Variants in PDE1A observed in about 807,000 individuals in gnomAD.
PDE1A encodes dual specificity calcium/calmodulin-dependent 3',5'-cyclic nucleotide phosphodiesterase 1A.
A neutral mutation model predicts 61.7 loss-of-function variants in PDE1A; 35 were observed. The observed-to-expected ratio is 0.57, with a 90% CI of 0.43 to 0.75. PDE1A has a LOEUF of 0.75. Among genes scored for constraint, PDE1A ranks in the 30% least tolerant of loss-of-function variants. The pLI is 0.00. For missense variants in PDE1A, 597 were observed against 630.6 expected (o/e 0.95, Z 0.57); for synonymous variants, 232 against 213.2 (o/e 1.09, Z -0.77).
rs1023483299 is a variant in PDE1A at position 182,449,502 on chromosome 2, A to G, written c.101+72774T>C. On this transcript the variant is annotated intron_variant, in intron 2 of 14. Transcript: ENST00000410103. Reference sequence around the variant, plus strand: ...TCATTACCTCTTCCTATACTCCTTCACCAAAGGAGGGTGTTTGTAGTTCAA... The same window carrying G: ...TCATTACCTCTTCCTATACTCCTTCGCCAAAGGAGGGTGTTTGTAGTTCAA... 2.6e-5 allele frequency among the ~76,000 whole-genome samples: 4 copies of G among 152,048 alleles called. No homozygotes were observed. In the South Asian group the frequency reaches 8.3e-4, roughly 31 times the overall value.
intron 1 of PDE1A, among the ~76,000 whole-genome samples, chr2:182,389,838 G>C (rs1481454701): frequency 1.3e-5 from 2 of 152,178 alleles, no homozygotes; most frequent in African/African-American, 2.4e-5. Flanking sequence ...AAGGTGGAAA[G>C]AGCAGACTTG....
At chr2:182,173,264 C>T (rs1692412787) in intron 13 of PDE1A, among the ~76,000 whole-genome samples, 1 of 152,042 alleles carries the variant, frequency 6.6e-6, no homozygotes, top group Non-Finnish European at 1.5e-5. Flanking sequence ...CCAGATGATG[C>T]TGATAGGCTG....
At chr2:182,575,447 A>G in the PDE1A span, among the ~76,000 whole-genome samples, 4 of 151,792 alleles carry the variant, frequency 2.6e-5, no homozygotes, top group African/African-American at 7.3e-5. Flanking sequence ...GTTTAATGGA[A>G]TAATTGTTGT....
intron 2 of PDE1A, among the ~76,000 whole-genome samples, chr2:182,256,197 C>A (rs1312776572): frequency 1.4e-5 from 2 of 142,814 alleles, no homozygotes; most frequent in East Asian, 4.0e-4. Flanking sequence ...AACTCGTCAT[C>A]TAGCATTAGG....
intron 1 of PDE1A, among the ~76,000 whole-genome samples, chr2:182,394,509 G>A (rs1253420564): frequency 6.6e-6 from 1 of 152,140 alleles, no homozygotes; most frequent in Non-Finnish European, 1.5e-5. Flanking sequence ...CCAGACCACA[G>A]GGTAACTGCA....
chr2:182,680,961 G>T, the PDE1A span, among the ~76,000 whole-genome samples: 6 of 152,252 alleles, frequency 3.9e-5, no homozygotes, highest in African/African-American at 1.4e-4. Flanking sequence ...TAGAAAAGGG[G>T]TGGTAACTTC....
downstream of PDE1A, among the ~76,000 whole-genome samples, chr2:182,144,337 C>T (rs1470360213): frequency 4.6e-5 from 7 of 152,146 alleles, no homozygotes; most frequent in African/African-American, 9.7e-5. Context: ...AATAATAAAG[C>T]AGCCTGGGAT....
At chr2:182,482,347 G>A (rs754577298) in intron 2 of PDE1A, among the ~76,000 whole-genome samples, 25 of 151,764 alleles carry the variant, frequency 1.6e-4, no homozygotes, top group Non-Finnish European at 3.7e-4. Context: ...AATTTTTAAA[G>A]TCTAGTTAAA....
intron 2 of PDE1A, among the ~76,000 whole-genome samples, chr2:182,515,733 A>T (rs765320817): frequency 1.3e-5 from 2 of 152,202 alleles, no homozygotes; most frequent in Admixed American, 6.5e-5. Context: ...ACTTATCAAC[A>T]ATTTCCAAGA....
chr2:182,481,562 A>C (rs1004746128), intron 2 of PDE1A, among the ~76,000 whole-genome samples: 10 of 151,934 alleles, frequency 6.6e-5, no homozygotes, highest in African/African-American at 2.4e-4. Context: ...CATCATAGAG[A>C]AACATGAAGG....
chr2:182,234,008 A>G (rs963987422), intron 4 of PDE1A, among the ~76,000 whole-genome samples: 6 of 152,178 alleles, frequency 3.9e-5, no homozygotes, highest in Admixed American at 1.3e-4. Context: ...TACAATCCTA[A>G]ATAATTTCCT....
At chr2:182,234,044 CATT>C (rs1216690063) in intron 4 of PDE1A, among the ~76,000 whole-genome samples, 1 of 152,090 alleles carries the variant, frequency 6.6e-6, no homozygotes, top group Non-Finnish European at 1.5e-5. Context: ...ATTTAAACAT[CATT>C]GACTAAAATA....
chr2:182,673,405 A>G, the PDE1A span, among the ~76,000 whole-genome samples: 130 of 152,196 alleles, frequency 8.5e-4, 1 homozygote, highest in Non-Finnish European at 1.6e-4. Context: ...ACGAAGCACA[A>G]AGAGGTAAGA....
chr2:182,423,211 T>A (rs1703391557), intron 1 of PDE1A, among the ~76,000 whole-genome samples: 1 of 152,144 alleles, frequency 6.6e-6, no homozygotes, highest in South Asian at 2.1e-4. Flanking sequence ...AATATATACC[T>A]AAAATTTCCA....
At position 182,394,046 on chromosome 2, in the gene PDE1A, C is replaced by T. The variant is rs148123846; in HGVS notation, c.53+32532G>A. Among the ~76,000 whole-genome samples, 180 of 152,294 alleles carry T rather than the reference C, an allele frequency of 1.2e-3. 3 individuals are homozygous for T. In the East Asian group the frequency reaches 0.033, roughly 28 times the overall value. ...TCTGAGTCCTCCAAACTTTTCCAAC[C>T]TCTGCCTGTTACCCAGTTCCAAAGT... is the stretch of plus-strand genomic sequence containing the variant. On this transcript the variant is annotated intron_variant, in intron 1 of 13. Transcript: ENST00000351439.
chr2:182,563,507 C>T, the PDE1A span, among the ~76,000 whole-genome samples: 6 of 152,034 alleles, frequency 3.9e-5, no homozygotes, highest in Middle Eastern at 3.4e-3. Flanking sequence ...AGGTGTGGTG[C>T]AGTGCTGAAA....
the PDE1A span, among the ~76,000 whole-genome samples, chr2:182,608,715 C>A: frequency 1.3e-5 from 2 of 152,202 alleles, no homozygotes; most frequent in Non-Finnish European, 2.9e-5. Context: ...CGGAGCCTCC[C>A]CGACCAGCGC....
At chr2:182,494,320 G>A (rs1688579108) in intron 2 of PDE1A, among the ~76,000 whole-genome samples, 1 of 121,850 alleles carries the variant, frequency 8.2e-6, no homozygotes, top group Admixed American at 7.5e-5. Context: ...AAAAGAAAAA[G>A]AAACTGTGTA....
chr2:182,387,757 TAA>T (rs767345729), intron 1 of PDE1A, among the ~76,000 whole-genome samples: 4 of 135,308 alleles, frequency 3.0e-5, no homozygotes, highest in Admixed American at 7.4e-5. Flanking sequence ...AACTCCATCT[TAA>T]AAAAAAAAAA....
Sources: allele counts gnomAD v4.1 joint callset (sites outside exome capture counted in the v4.1 genomes callset), GRCh38; gene constraint gnomAD v4.1.1; transcripts MANE v1.5; gene names NCBI Gene and HGNC (gene_info 2026-07-23, HGNC 2026-07-21).